The following CTDSPL variants were observed in gnomAD, a reference collection of about 807,000 sequenced individuals.
CTDSPL encodes the protein CTD small phosphatase like.
A neutral mutation model predicts 30.5 loss-of-function variants in CTDSPL; 8 were observed. The observed-to-expected ratio is 0.26, with a 90% CI of 0.15 to 0.47. The LOEUF (loss-of-function observed/expected upper bound fraction) is 0.47, where lower values mean the gene tolerates loss of function less well. Ranked by LOEUF, CTDSPL falls within the 20% of genes least tolerant of loss-of-function variation. The pLI, the probability that CTDSPL is intolerant of heterozygous loss-of-function variation, is 0.99. For missense variants in CTDSPL, 248 were observed against 366.1 expected (o/e 0.68, Z 2.63); for synonymous variants, 110 against 137.9 (o/e 0.80, Z 1.42).
chr3:37,896,679 C>T (rs1252234394), intron 1 of CTDSPL, among the ~76,000 whole-genome samples: 1 of 152,076 alleles, frequency 6.6e-6, no homozygotes, highest in Non-Finnish European at 1.5e-5. Context: ...GCTGGAACTA[C>T]AGTCACATAC....
chr3:37,962,206 G>A (rs1027685788), intron 3 of CTDSPL, among the ~76,000 whole-genome samples: 2 of 152,186 alleles, frequency 1.3e-5, no homozygotes, highest in African/African-American at 2.4e-5. Context: ...AAAGCACTGT[G>A]TATTGTCATT....
intron 1 of CTDSPL, among the ~76,000 whole-genome samples, chr3:37,916,379 G>A (rs1223566895): frequency 2.0e-5 from 3 of 152,138 alleles, no homozygotes; most frequent in East Asian, 3.8e-4. Context: ...CCTCCAAAAA[G>A]ATATGTTGAA....
intron 1 of CTDSPL, among the ~76,000 whole-genome samples, chr3:37,908,026 T>C (rs1324024157): frequency 6.6e-6 from 1 of 152,254 alleles, no homozygotes; most frequent in African/African-American, 2.4e-5. Flanking sequence ...TGAAAGCTTC[T>C]ACAGTTCAGT....
intron 1 of CTDSPL, among the ~76,000 whole-genome samples, chr3:37,923,306 G>T (rs1698739175): frequency 6.6e-6 from 1 of 152,186 alleles, no homozygotes; most frequent in Non-Finnish European, 1.5e-5. Context: ...TAGTCAGCTG[G>T]AGAGAGGAGC....
Position 37,982,504 on chromosome 3 carries a change from T to A in CTDSPL, c.*1637T>A, listed in dbSNP as rs764200902. On this transcript the variant is annotated 3_prime_UTR_variant, in exon 8 of 8. Transcript: ENST00000273179. ...AGCATTCTGGTGGGAGTGACTGGCA[T>A]TAACAAGACTGGAAATCGGGGGTCA... 2.2e-5 allele frequency: 10 copies of A among 456,290 alleles called. No homozygotes were observed. The highest frequency in any genetic ancestry group is 4.4e-5 in the Non-Finnish European group (10 of 226,712). 28.3% of individuals were successfully genotyped at this position (456,290 alleles called of 1,614,324 possible).
rs965158613 is a variant in CTDSPL, at chr3:37,983,293, C to G, written c.*2426C>G. The G allele has an allele frequency of 6.6e-6, 1 of 150,722 alleles. No individual in the cohort carries two copies. Among genetic ancestry groups the G allele is most frequent in the Admixed American group, 6.6e-5 (1 of 15,250 alleles). 9.3% of individuals were successfully genotyped at this position (150,722 alleles called of 1,614,324 possible). The stretch of plus-strand genomic sequence containing the variant: ...ATGTACATAATCAAAATATCTATAT[C>G]TATATCTATATCTATATCTATATAT... On this transcript the variant is annotated 3_prime_UTR_variant, in exon 8 of 8. Transcript: ENST00000273179.
chr3:37,943,555 G>C (rs986278466), intron 1 of CTDSPL, among the ~76,000 whole-genome samples: 1 of 150,394 alleles, frequency 6.6e-6, no homozygotes, highest in Non-Finnish European at 1.5e-5. Context: ...ATTTTAGACT[G>C]ACGTTCATAG....
intron 1 of CTDSPL, among the ~76,000 whole-genome samples, chr3:37,918,424 T>C (rs368284853): frequency 6.6e-6 from 1 of 152,210 alleles, no homozygotes; most frequent in Non-Finnish European, 1.5e-5. Flanking sequence ...TGTGGCCTCA[T>C]GTGAAATATT....
In CTDSPL at chr3:37,893,827, A is replaced by G. The variant is rs188463578; in HGVS notation, c.79+31549A>G. ...AGTAACTTCTTGCACACTATTCAGT[A>G]TTAAAGAAAAAATGGGTGACAGATT... On this transcript the variant is annotated intron_variant, in intron 1 of 7. Coordinates refer to ENST00000273179, the MANE Select transcript of CTDSPL (RefSeq NM_001008392.2). Among the ~76,000 whole-genome samples, 123 of 152,332 alleles carry G rather than the reference A, an allele frequency of 8.1e-4. 1 individual carries two copies. Among genetic ancestry groups the G allele is most frequent in the Admixed American group, 6.9e-3 (105 of 15,300 alleles).
rs1698438242 is a variant in CTDSPL at position 37,900,618 on chromosome 3, A to G, written c.79+38340A>G. Reference sequence around the variant, plus strand: ...GTCATCCATAATATTGTTAACCATCATTGGCTTTTTAAGAGCTTTCTTGCC... The same window carrying G: ...GTCATCCATAATATTGTTAACCATCGTTGGCTTTTTAAGAGCTTTCTTGCC... On this transcript the variant is annotated intron_variant, in intron 1 of 7. Coordinates refer to ENST00000273179, the MANE Select transcript of CTDSPL (RefSeq NM_001008392.2). 2.0e-5 allele frequency among the ~76,000 whole-genome samples: 3 copies of G among 152,164 alleles called. No individual in the cohort carries two copies. In the South Asian group the frequency reaches 6.2e-4, roughly 32 times the overall value.
intron 1 of CTDSPL, among the ~76,000 whole-genome samples, chr3:37,865,114 G>A (rs2125585965): frequency 6.6e-6 from 1 of 152,334 alleles, no homozygotes; most frequent in East Asian, 1.9e-4. Context: ...GCACAACTCA[G>A]AGATGACTGT....
intron 2 of CTDSPL, among the ~76,000 whole-genome samples, chr3:37,955,591 A>G (rs1364229561): frequency 6.6e-6 from 1 of 152,212 alleles, no homozygotes; most frequent in Non-Finnish European, 1.5e-5. Context: ...TAATGCAGCA[A>G]CAGAAAACCA....
At chr3:37,945,629 T>A (rs1699026678) in intron 1 of CTDSPL, among the ~76,000 whole-genome samples, 1 of 152,180 alleles carries the variant, frequency 6.6e-6, no homozygotes, top group South Asian at 2.1e-4. Flanking sequence ...ACGCCTGAAA[T>A]GAGATGGCTG....
At chr3:37,951,980 A>C (rs570448504) in intron 2 of CTDSPL, among the ~76,000 whole-genome samples, 12 of 152,310 alleles carry the variant, frequency 7.9e-5, no homozygotes, top group African/African-American at 2.9e-4. Context: ...ATTTCCAAGA[A>C]TATACCTGTC....
intron 6 of CTDSPL, among the ~76,000 whole-genome samples, chr3:37,972,660 A>G (rs910219280): frequency 2.0e-5 from 3 of 152,180 alleles, no homozygotes; most frequent in Admixed American, 2.0e-4. Context: ...GCCTCCCAGT[A>G]TGGTTTAGTC....
rs371393812 is a variant in CTDSPL at position 37,862,609 on chromosome 3, A to G, written c.79+331A>G. On this transcript the variant is annotated intron_variant, in intron 1 of 7. Transcript: ENST00000273179. The surrounding 1 kb of genome is among the most constrained non-coding windows in gnomAD (Gnocchi z 4.3). ...AGAGGTTCTAAGTGTGTGCACTTGT[A>G]TGTGTGTGTGCACACGCGGACAGAG... Among the ~76,000 whole-genome samples the G allele has an allele frequency of 1.3e-5, 2 of 152,148 alleles. No individual in the cohort carries two copies. The highest frequency in any genetic ancestry group is 2.9e-5 in the Non-Finnish European group (2 of 68,018).
At chr3:37,980,355 G>A (rs926658322) in intron 7 of CTDSPL, among the ~76,000 whole-genome samples, 6 of 152,212 alleles carry the variant, frequency 3.9e-5, no homozygotes, top group African/African-American at 1.2e-4. Flanking sequence ...TCAGTGGTTG[G>A]CTTGTAAGCT....
intron 1 of CTDSPL, among the ~76,000 whole-genome samples, chr3:37,913,505 A>T (rs1698606782): frequency 6.6e-6 from 1 of 152,190 alleles, no homozygotes; most frequent in Non-Finnish European, 1.5e-5. Context: ...CTGCCTTTTT[A>T]ACCTGGAAAA....
chr3:37,866,809 T>C (rs1474892407), intron 1 of CTDSPL, among the ~76,000 whole-genome samples: 1 of 152,222 alleles, frequency 6.6e-6, no homozygotes, highest in East Asian at 1.9e-4. Flanking sequence ...AACAAAATTA[T>C]AGCAAAGAGA....
Sources: allele counts gnomAD v4.1 joint callset (sites outside exome capture counted in the v4.1 genomes callset), GRCh38; gene constraint gnomAD v4.1.1; non-coding constraint Gnocchi (gnomAD v3.1); transcripts MANE v1.5; gene names NCBI Gene and HGNC (gene_info 2026-07-23, HGNC 2026-07-21).